KASH5: variants seen among roughly 807,000 people sequenced by gnomAD.
KASH5 encodes KASH domain containing 5, also known as protein KASH5.
In KASH5, 72 loss-of-function variants were observed where a neutral mutation model predicts 84.2. That is an observed-to-expected ratio of 0.85 (90% CI 0.71 to 1.04). The LOEUF (loss-of-function observed/expected upper bound fraction) is 1.04. KASH5 is among the 50% of genes least tolerant of loss of function. KASH5 has a pLI of 0.00. For synonymous variants in KASH5, 260 were observed against 279.1 expected, an observed-to-expected ratio of 0.93 and a Z score of 0.68; for missense variants, 650 against 701.0, an observed-to-expected ratio of 0.93 and a Z score of 0.82.
In KASH5 at chr19:49,406,963, G is replaced by C; in HGVS notation, c.876G>C (p.Lys292Asn). The C allele has an allele frequency of 6.3e-7, 1 of 1,587,218 alleles. No homozygotes were observed. The highest frequency in any genetic ancestry group is 1.3e-5 in the African/African-American group (1 of 74,416). Residue 292 changes from lysine (K) to asparagine (N), a missense_variant and splice_region_variant, in exon 10 of 20, where the codon AAG becomes AAC. Transcript: ENST00000447857. The stretch of plus-strand genomic sequence containing the variant: ...TGGCCATGGAGAAGGACACTTTGAA[G>C]GTGCCACTCCTTCCTAGTGCCTGAC... ...QELAMEKDTL[K>N]RQLFECEHLI...
At chr19:49,392,296 C>T (rs1974028048) in intron 2 of KASH5, among the ~76,000 whole-genome samples, 1 of 151,868 alleles carries the variant, frequency 6.6e-6, no homozygotes, top group Non-Finnish European at 1.5e-5. Flanking sequence ...GGACAAGCGA[C>T]ATGGAGGCAG....
chr19:49,394,059 C>T (rs1168942321), intron 2 of KASH5, among the ~76,000 whole-genome samples: 1 of 152,128 alleles, frequency 6.6e-6, no homozygotes, highest in Admixed American at 6.5e-5. Context: ...CTGGGCTGCC[C>T]ATGCATTATT....
chr19:49,392,222 GA>G (rs1224227787), intron 2 of KASH5, among the ~76,000 whole-genome samples: 1 of 152,138 alleles, frequency 6.6e-6, no homozygotes, highest in Non-Finnish European at 1.5e-5. Flanking sequence ...AAGACTTAGG[GA>G]ATGGAGAGTC....
At chr19:49,404,486 T>G (rs1178350380) in intron 9 of KASH5, among the ~76,000 whole-genome samples, 1 of 152,150 alleles carries the variant, frequency 6.6e-6, no homozygotes, top group Non-Finnish European at 1.5e-5. Flanking sequence ...CAGCAACGCC[T>G]CCTCAGGAAG....
intron 12 of KASH5, among the ~76,000 whole-genome samples, 189 bp downstream of exon 12, chr19:49,407,860 C>T (rs1013567610): frequency 3.9e-5 from 6 of 152,206 alleles, no homozygotes; most frequent in Admixed American, 1.3e-4. Context: ...CACTTTTTCT[C>T]TGTTCCTTCC....
intron 9 of KASH5, among the ~76,000 whole-genome samples, chr19:49,400,669 A>G (rs1157817597): frequency 6.6e-6 from 1 of 152,112 alleles, no homozygotes. Context: ...GATTACAGAC[A>G]TGAGCCACCA....
At chr19:49,408,241 C>T (rs1019002084) in intron 12 of KASH5, 4 of 165,832 alleles carry the variant, frequency 2.4e-5, no homozygotes, top group Non-Finnish European at 5.3e-5. Context: ...TGTGTCTCTG[C>T]GAGGCTCGTG....
intron 12 of KASH5, among the ~76,000 whole-genome samples, chr19:49,408,483 G>A (rs1296792419): frequency 6.7e-6 from 1 of 149,590 alleles, no homozygotes; most frequent in Non-Finnish European, 1.5e-5. Flanking sequence ...GAGTCTGGCT[G>A]TGTCACCCAG....
chr19:49,417,605 G>A lies in KASH5; in HGVS notation c.*95G>A. ...CCCATTGTTAGTCCACTGTTGCGCA[G>A]GCTTACCCTAGATAGAGTACAGGGG... On this transcript the variant is annotated 3_prime_UTR_variant, in exon 20 of 20. Transcript: ENST00000447857. This position sits in a 1 kb window ranked among gnomAD's most constrained non-coding sequence, Gnocchi z 5.2. The A allele has an allele frequency of 1.4e-6, 2 of 1,411,640 alleles. No homozygotes were observed. Among genetic ancestry groups the A allele is most frequent in the East Asian group, 2.5e-5 (1 of 39,582 alleles). The allele number at this position is 1,411,640 out of a possible 1,614,324, so 87.4% of individuals were successfully genotyped here.
chr19:49,405,883 G>C (rs1974509151), intron 9 of KASH5, among the ~76,000 whole-genome samples: 1 of 150,624 alleles, frequency 6.6e-6, no homozygotes, highest in Non-Finnish European at 1.5e-5. Context: ...TTGAACCCGG[G>C]AGGCAGAGGT....
chr19:49,407,445 C>T, intron 11 of KASH5, 149 bp downstream of exon 11: 2 of 1,092,392 alleles, frequency 1.8e-6, no homozygotes, highest in South Asian at 1.4e-5. Flanking sequence ...CCAAGTGTGA[C>T]CCCTCAGGGA....
intron 15 of KASH5, among the ~76,000 whole-genome samples, chr19:49,410,486 CTT>C (rs35379985): frequency 5.1e-5 from 7 of 136,042 alleles, no homozygotes; most frequent in African/African-American, 5.5e-5. Flanking sequence ...CCATGACTGG[CTT>C]TTTTTTTTTT....
chr19:49,398,897 T>TCTGGGTCTCTGTCCCTGCCTACCAC lies in KASH5; in HGVS notation c.630-122_630-98dup, dbSNP rs1974272141. 5.7e-6 allele frequency: 4 copies of TCTGGGTCTCTGTCCCTGCCTACCAC among 705,652 alleles called. No homozygotes were observed. In the Admixed American group the frequency reaches 1.1e-4, roughly 20 times the overall value. 43.7% of individuals were successfully genotyped at this position (705,652 alleles called of 1,614,324 possible). The stretch of plus-strand genomic sequence containing the variant: ...CTCTGGGTCTCTGTCCTCCCCTCTC[T>TCTGGGTCTCTGTCCCTGCCTACCAC]CTGGGTCTCTGTCCCTGCCTACCAC... On this transcript the variant is annotated intron_variant, in intron 7 of 19. Transcript: ENST00000447857.
chr19:49,417,172 G>T lies in KASH5; in HGVS notation c.1453G>T (p.Glu485Ter). Reference protein sequence around the residue: ...ENPPERPARRELQQALVPVMK... With the variant: ...ENPPERPARR ...TCACCCCAGCAGACCTGCGCGGCGG[G>T]AACTCCAGCAAGCCCTGGTGCCTGT... Residue 485 changes from glutamate to a stop codon, truncating the protein, a stop_gained, in exon 19 of 20, where the codon GAA (glutamate) becomes TAA (stop). Coordinates refer to ENST00000447857, the MANE Select transcript of KASH5 (RefSeq NM_144688.5). LOFTEE classifies it high-confidence loss of function. This position sits in a 1 kb window ranked among gnomAD's most constrained non-coding sequence, Gnocchi z 5.2. 1 of 1,613,806 alleles carries T rather than the reference G, an allele frequency of 6.2e-7. No homozygotes were observed. Among genetic ancestry groups the T allele is most frequent in the Non-Finnish European group, 8.5e-7 (1 of 1,179,824 alleles).
intron 9 of KASH5, among the ~76,000 whole-genome samples, chr19:49,400,894 A>G (rs1260886385): frequency 1.2e-4 from 18 of 152,066 alleles, no homozygotes; most frequent in Admixed American, 1.1e-3. Flanking sequence ...GATTGAAACA[A>G]ACTCATCAAT....
Position 49,407,670 on chromosome 19 carries a change from A to G in KASH5, c.992A>G (p.Gln331Arg), listed in dbSNP as rs758033764. The G allele has an allele frequency of 9.4e-6, 15 of 1,602,638 alleles. No homozygotes were observed. The East Asian group carries it at 3.4e-4, about 36-fold the overall frequency. Residue 331 changes from glutamine to arginine, a missense_variant and splice_region_variant, in exon 12 of 20, where the codon CAG becomes CGG. Physicochemically the swap from Gln to Arg is conservative, Grantham distance 43. Coordinates refer to ENST00000447857, the MANE Select transcript of KASH5 (RefSeq NM_144688.5). ...QTLEEYRVTT[Q>R]ELRLEISRLE... is the part of the protein sequence containing the mutation. ...CTGGAAGAATACAGAGTGACGACGCAGGTAACTCAGCGGCCCTCGCCACCC... is the reference window on the plus strand; with the variant it reads ...CTGGAAGAATACAGAGTGACGACGCGGGTAACTCAGCGGCCCTCGCCACCC...
chr19:49,414,906 C>T lies in KASH5; in HGVS notation c.1329-45C>T. The T allele has an allele frequency of 1.9e-6, 3 of 1,597,448 alleles. No individual in the cohort carries two copies. Among genetic ancestry groups the T allele is most frequent in the Non-Finnish European group, 2.6e-6 (3 of 1,172,106 alleles). On this transcript the variant is annotated intron_variant, in intron 16 of 19. Coordinates refer to ENST00000447857, the MANE Select transcript of KASH5 (RefSeq NM_144688.5). This position sits in a 1 kb window ranked among gnomAD's most constrained non-coding sequence, Gnocchi z 4.5. ...CCAGCCCATAGTAGGCAAAGGGAAC[C>T]AGGGAGAAGAGGACGAAGCCAGCAG...
At chr19:49,405,850 G>A (rs1252764440) in intron 9 of KASH5, among the ~76,000 whole-genome samples, 2 of 151,994 alleles carry the variant, frequency 1.3e-5, no homozygotes, top group South Asian at 4.2e-4. Context: ...CAGCTACTTG[G>A]GAGGGTGAGG....
chr19:49,410,259 G>C (rs1039406967), intron 15 of KASH5, among the ~76,000 whole-genome samples: 7 of 152,164 alleles, frequency 4.6e-5, no homozygotes, highest in African/African-American at 1.7e-4. Flanking sequence ...TGTTTCAAAT[G>C]TTAGCACCTT....
Sources: allele counts gnomAD v4.1 joint callset (sites outside exome capture counted in the v4.1 genomes callset), GRCh38; gene constraint gnomAD v4.1.1; non-coding constraint Gnocchi (gnomAD v3.1); transcripts MANE v1.5; gene names NCBI Gene and HGNC (gene_info 2026-07-23, HGNC 2026-07-21).